PARD3: variants seen among roughly 807,000 people sequenced by gnomAD.
The protein encoded by PARD3 is par-3 family cell polarity regulator, also known as partitioning defective 3 homolog.
PARD3 carries 75 observed loss-of-function variants against 155.4 expected under a neutral mutation model. That is an observed-to-expected ratio of 0.48 (90% CI 0.40 to 0.58). PARD3 has a LOEUF of 0.58. Among genes scored for constraint, PARD3 ranks in the 20% least tolerant of loss-of-function variants. PARD3 has a pLI of 0.00. For synonymous variants in PARD3, 576 were observed against 610.5 expected (o/e 0.94, Z 0.83); for missense variants, 1,642 against 1,721.7 (o/e 0.95, Z 0.82).
At chr10:34,129,853 A>C (rs1380516974) in intron 23 of PARD3, among the ~76,000 whole-genome samples, 1 of 76,756 alleles carries the variant, frequency 1.3e-5, no homozygotes, top group African/African-American at 5.3e-5. Flanking sequence ...TTTTTTTTGT[A>C]GAGATGGGGT....
intron 22 of PARD3, among the ~76,000 whole-genome samples, chr10:34,244,560 G>A (rs1765162): frequency 0.68 from 103,768 of 152,118 alleles, 36,666 homozygotes; most frequent in African/African-American, 0.88. Context: ...TATCAATTCT[G>A]AATTATGGTT....
intron 14 of PARD3, among the ~76,000 whole-genome samples, chr10:34,354,934 G>A (rs1054168828): frequency 2.6e-5 from 4 of 152,170 alleles, no homozygotes; most frequent in African/African-American, 9.7e-5. Context: ...GAGGGAGAAA[G>A]CCTGATTGCA....
chr10:34,524,673 T>C (rs969409869), intron 2 of PARD3, among the ~76,000 whole-genome samples: 9 of 152,248 alleles, frequency 5.9e-5, no homozygotes, highest in African/African-American at 2.2e-4. Context: ...ACTGTTACAC[T>C]GGTATCCACC....
intron 16 of PARD3, among the ~76,000 whole-genome samples, chr10:34,338,540 C>T (rs555700588): frequency 6.6e-6 from 1 of 152,292 alleles, no homozygotes; most frequent in South Asian, 2.1e-4. Flanking sequence ...CCACTGTCAG[C>T]TGAATTTATG....
chr10:34,463,634 A>G (rs566919370), intron 4 of PARD3, among the ~76,000 whole-genome samples: 2 of 152,316 alleles, frequency 1.3e-5, no homozygotes, highest in Admixed American at 1.3e-4. Context: ...GAAATGTCAC[A>G]AACCCAAATA....
At chr10:34,594,615 G>A (rs1192268835) in intron 2 of PARD3, among the ~76,000 whole-genome samples, 2 of 152,102 alleles carry the variant, frequency 1.3e-5, no homozygotes, top group African/African-American at 4.8e-5. Flanking sequence ...AAAGAAAATC[G>A]GCTTCAAAAT....
chr10:34,388,187 G>A (rs917322106), intron 7 of PARD3, among the ~76,000 whole-genome samples: 5 of 152,128 alleles, frequency 3.3e-5, no homozygotes, highest in Non-Finnish European at 5.9e-5. Flanking sequence ...ACTGAATTAA[G>A]GTGAAGTTAG....
chr10:34,117,945 G>A (rs1447181586), intron 24 of PARD3, among the ~76,000 whole-genome samples: 3 of 152,040 alleles, frequency 2.0e-5, no homozygotes, highest in Admixed American at 6.6e-5. Context: ...TGATAGCAAC[G>A]GGCCTTATAA....
intron 5 of PARD3, among the ~76,000 whole-genome samples, chr10:34,404,381 T>C (rs1420072700): frequency 6.6e-6 from 1 of 152,182 alleles, no homozygotes; most frequent in Non-Finnish European, 1.5e-5. Flanking sequence ...AACTATACAG[T>C]ACTGGCCGGG....
At chr10:34,606,251 A>T (rs568988575) in intron 2 of PARD3, among the ~76,000 whole-genome samples, 24 of 146,394 alleles carry the variant, frequency 1.6e-4, no homozygotes, top group Middle Eastern at 7.2e-3. Context: ...AAAACAGCGT[A>T]TGTCTACAGA....
At chr10:34,538,817 A>G (rs897184747) in intron 2 of PARD3, among the ~76,000 whole-genome samples, 2 of 152,252 alleles carry the variant, frequency 1.3e-5, no homozygotes, top group African/African-American at 2.4e-5. Context: ...GTAGGAGATC[A>G]TGCTGAGTTT....
intron 2 of PARD3, among the ~76,000 whole-genome samples, chr10:34,691,370 G>A (rs1357769289): frequency 6.6e-6 from 1 of 152,044 alleles, no homozygotes; most frequent in East Asian, 1.9e-4. Context: ...AACATGCCTA[G>A]GAATACAGCT....
At chr10:34,296,663 T>C (rs553765231) in intron 20 of PARD3, among the ~76,000 whole-genome samples, 4 of 152,346 alleles carry the variant, frequency 2.6e-5, no homozygotes, top group East Asian at 1.9e-4. Context: ...CCAAAATGCA[T>C]GATGTGATTA....
intron 1 of PARD3, among the ~76,000 whole-genome samples, chr10:34,783,157 G>C (rs1840472448): frequency 1.3e-5 from 2 of 152,178 alleles, no homozygotes; most frequent in South Asian, 4.1e-4. Flanking sequence ...TAATTTGGGA[G>C]TATAACACAC....
At chr10:34,375,299 T>C (rs1841116328) in intron 10 of PARD3, among the ~76,000 whole-genome samples, 1 of 152,122 alleles carries the variant, frequency 6.6e-6, no homozygotes, top group Admixed American at 6.6e-5. Context: ...GCAATAAATA[T>C]TTCAAAAATG....
intron 1 of PARD3, among the ~76,000 whole-genome samples, chr10:34,709,393 GC>G (rs1444865967): frequency 2.0e-5 from 3 of 152,180 alleles, no homozygotes; most frequent in Non-Finnish European, 4.4e-5. Flanking sequence ...GATAACAGAT[GC>G]TCCACCTGTA....
chr10:34,469,609 C>T (rs1004952464), intron 4 of PARD3, among the ~76,000 whole-genome samples: 13 of 152,176 alleles, frequency 8.5e-5, no homozygotes, highest in African/African-American at 2.9e-4. Context: ...AGTCCACTTT[C>T]ATCCTTAAAA....
At position 34,777,417 on chromosome 10, in the gene PARD3, C is replaced by T. The variant is rs542934659; in HGVS notation, c.120+37459G>A. ...CCCCATGTCCTCACATATGTGTCTC[C>T]TACTCCATTTCCACCTTTGCAAACA... On this transcript the variant is annotated intron_variant, in intron 1 of 24. Transcript: ENST00000374788. Among the ~76,000 whole-genome samples the T allele has an allele frequency of 4.0e-5, 6 of 151,540 alleles. No homozygotes were observed. The South Asian group carries it at 1.2e-3, about 31-fold the overall frequency.
intron 22 of PARD3, among the ~76,000 whole-genome samples, chr10:34,229,951 G>A (rs1359209879): frequency 1.3e-5 from 2 of 151,988 alleles, no homozygotes; most frequent in Admixed American, 1.3e-4. Flanking sequence ...TTGTCATGTG[G>A]CTCTCAAACG....
Sources: allele counts gnomAD v4.1 joint callset (sites outside exome capture counted in the v4.1 genomes callset), GRCh38; gene constraint gnomAD v4.1.1; transcripts MANE v1.5; gene names NCBI Gene and HGNC (gene_info 2026-07-23, HGNC 2026-07-21).